Variants in SLBP observed in about 807,000 individuals in gnomAD.
SLBP encodes histone RNA hairpin-binding protein.
In SLBP, 29 loss-of-function variants were observed where a neutral mutation model predicts 39.2. The ratio of observed to expected loss-of-function variants is 0.74; its 90% CI spans 0.55 to 1.01. SLBP has a LOEUF of 1.01. Ranked by LOEUF, SLBP falls within the 50% of genes least tolerant of loss-of-function variation. The probability of loss-of-function intolerance (pLI) is 0.00; values close to 1 mark genes in which losing one functional copy is unlikely to be tolerated. For synonymous variants in SLBP, 129 were observed against 118.7 expected (o/e 1.09, Z -0.57); for missense variants, 390 against 350.2 (o/e 1.11, Z -0.91).
At chr4:1,707,073 G>C (rs1716547206) in intron 2 of SLBP, among the ~76,000 whole-genome samples, 1 of 150,936 alleles carries the variant, frequency 6.6e-6, no homozygotes, top group African/African-American at 2.4e-5. Flanking sequence ...CAAAAAATTA[G>C]CCGGGCGCGG....
intron 3 of SLBP, among the ~76,000 whole-genome samples, chr4:1,702,099 G>A (rs937845126): frequency 1.3e-5 from 2 of 152,186 alleles, no homozygotes; most frequent in African/African-American, 2.4e-5. Flanking sequence ...AAGAGCTGCA[G>A]ATAACCCCTG....
At chr4:1,700,138 G>C (rs1716270017) in intron 3 of SLBP, 68 bp from the exon 4 acceptor site, 3 of 1,108,542 alleles carry the variant, frequency 2.7e-6, no homozygotes, top group Non-Finnish European at 4.0e-6. Context: ...GTCTGAGGAA[G>C]CTCCACCCTG....
chr4:1,705,864 T>C (rs1297310998), intron 2 of SLBP, among the ~76,000 whole-genome samples: 1 of 152,198 alleles, frequency 6.6e-6, no homozygotes, highest in Non-Finnish European at 1.5e-5. Context: ...GGCGTGCCTG[T>C]AGTCCCAGCT....
intron 2 of SLBP, among the ~76,000 whole-genome samples, chr4:1,710,271 C>G (rs565908382): frequency 1.3e-5 from 2 of 152,230 alleles, no homozygotes; most frequent in Non-Finnish European, 2.9e-5. Context: ...ACTCCGTTAC[C>G]TTTCTTGACA....
intron 2 of SLBP, among the ~76,000 whole-genome samples, chr4:1,711,421 G>T (rs943441585): frequency 6.6e-6 from 1 of 151,984 alleles, no homozygotes; most frequent in Non-Finnish European, 1.5e-5. Flanking sequence ...ATTTCCTCCA[G>T]ACCCTCCTCG....
At chr4:1,710,598 G>A (rs536375417) in intron 2 of SLBP, among the ~76,000 whole-genome samples, 19 of 152,324 alleles carry the variant, frequency 1.2e-4, no homozygotes, top group African/African-American at 3.8e-4. Flanking sequence ...GGTTGAAGGA[G>A]AAAGATCTAC....
At position 1,709,225 on chromosome 4, in the gene SLBP, G is replaced by A. The variant is rs998704399; in HGVS notation, c.176+2649C>T. Among the ~76,000 whole-genome samples the A allele has an allele frequency of 8.5e-5, 13 of 152,050 alleles. 1 individual carries two copies. Among genetic ancestry groups the A allele is most frequent in the Admixed American group, 8.5e-4 (13 of 15,244 alleles). On this transcript the variant is annotated intron_variant, in intron 2 of 7. Transcript: ENST00000489418. ...ATTACAGGCATGCGCCACCATGCCC[G>A]ACTAATTTTGTATTTTTAGTAGAGA...
chr4:1,694,176 G>A (rs749708970), intron 7 of SLBP, among the ~76,000 whole-genome samples: 8 of 152,130 alleles, frequency 5.3e-5, no homozygotes, highest in African/African-American at 9.7e-5. Context: ...TCTGCCTCCC[G>A]GGTTCAAGTG....
Position 1,700,077 on chromosome 4 carries a change from G to A in SLBP, c.282-7C>T. The A allele has an allele frequency of 6.3e-7, 1 of 1,578,612 alleles. No individual in the cohort carries two copies. The highest frequency in any genetic ancestry group is 8.7e-7 in the Non-Finnish European group (1 of 1,153,328). On this transcript the variant is annotated splice_region_variant and splice_polypyrimidine_tract_variant and intron_variant, in intron 3 of 7. Transcript: ENST00000489418. ...GAGGAGTTTCCTTTTATATCTGAGG[G>A]CAAAATAAATATTGCTGTTTTTAAA... is the stretch of plus-strand genomic sequence containing the variant.
At chr4:1,696,090 C>T in intron 6 of SLBP, 112 bp downstream of exon 6, 1 of 891,746 alleles carries the variant, frequency 1.1e-6, no homozygotes, top group Non-Finnish European at 1.6e-6. Flanking sequence ...GCTCTGCTCC[C>T]CAACAGCTGC....
At chr4:1,710,067 T>C (rs146471162) in intron 2 of SLBP, among the ~76,000 whole-genome samples, 131 of 152,032 alleles carry the variant, frequency 8.6e-4, no homozygotes, top group African/African-American at 3.1e-3. Context: ...TCCCCAACAA[T>C]GGGGTTTCTC....
In SLBP at chr4:1,699,877, A is replaced by G. The variant is rs145797463; in HGVS notation, c.341+134T>C. On this transcript the variant is annotated intron_variant, in intron 4 of 7. Coordinates refer to ENST00000489418, the MANE Select transcript of SLBP (RefSeq NM_006527.4). ...TGGGAATTTAGTACACAACAGATAC[A>G]GTATTTCAAATTAGTGAAAAAGGTA... 380 of 786,360 alleles carry G rather than the reference A, an allele frequency of 4.8e-4. 6 individuals carry two copies. The East Asian group carries it at 9.4e-3, about 19-fold the overall frequency. The allele number at this position is 786,360 out of a possible 1,614,324, so 48.7% of individuals were successfully genotyped here. A position where few individuals can be genotyped will look rare whatever the true frequency, so the allele number is the denominator to read the frequency against.
chr4:1,707,989 G>A (rs971868805), intron 2 of SLBP, among the ~76,000 whole-genome samples: 3 of 151,114 alleles, frequency 2.0e-5, no homozygotes, highest in African/African-American at 4.9e-5. Flanking sequence ...TGAGGCAGGA[G>A]AATTGCTTGA....
Position 1,696,251 on chromosome 4 carries a change from G to C in SLBP, c.580C>G (p.Leu194Val), listed in dbSNP as rs778720683. The C allele has an allele frequency of 6.2e-7, 1 of 1,602,668 alleles. No individual in the cohort carries two copies. Among genetic ancestry groups the C allele is most frequent in the Non-Finnish European group, 8.5e-7 (1 of 1,175,670 alleles). Residue 194 changes from leucine to valine, a missense_variant, in exon 6 of 8, where the codon CTG (leucine) becomes GTG (valine). Physicochemically the swap from Leu to Val is conservative, Grantham distance 32. Transcript: ENST00000489418. ...DQQIKLWKVA[L>V]HFWDPPAEEG... Reference sequence around the variant, plus strand: ...TCCGCTGGAGGATCCCAAAAATGCAGAGCCACCTTCCAGAGTTTGATTTGC... The same window carrying C: ...TCCGCTGGAGGATCCCAAAAATGCACAGCCACCTTCCAGAGTTTGATTTGC...
At position 1,693,395 on chromosome 4, in the gene SLBP, A is replaced by G; in HGVS notation, c.*202T>C. The G allele has an allele frequency of 2.0e-6, 1 of 507,760 alleles. No individual in the cohort carries two copies. Among genetic ancestry groups the G allele is most frequent in the Non-Finnish European group, 3.5e-6 (1 of 282,332 alleles). 31.5% of individuals were successfully genotyped at this position (507,760 alleles called of 1,614,324 possible). A position where few individuals can be genotyped will look rare whatever the true frequency, so the allele number is the denominator to read the frequency against. On this transcript the variant is annotated 3_prime_UTR_variant, in exon 8 of 8. Transcript: ENST00000489418. ...TACTTTCTTGGACTTAGCTCCATTT[A>G]CAATTTAAAACATGCAAAATATACT...
Position 1,712,182 on chromosome 4 carries a change from A to G in SLBP, c.7T>C (p.Cys3Arg). The change falls in exon 1 of 8, where the codon TGC becomes CGC. Residue 3 changes from cysteine to arginine, a missense_variant. Coordinates refer to ENST00000489418, the MANE Select transcript of SLBP (RefSeq NM_006527.4). The stretch of plus-strand genomic sequence containing the variant: ...TGCCTCGGCGGGCTTCGCGGGCGGC[A>G]GGCCATGGCAGCACGGGCCGGGCGC... MA[C>R]RPRSPPRHQS... is the part of the protein sequence containing the mutation. 4.0e-6 allele frequency: 5 copies of G among 1,237,288 alleles called. No individual in the cohort carries two copies. The highest frequency in any genetic ancestry group is 5.0e-6 in the Non-Finnish European group (5 of 994,574). The allele number at this position is 1,237,288 out of a possible 1,614,324, so 76.6% of individuals were successfully genotyped here.
chr4:1,703,655 G>A lies in SLBP; in HGVS notation c.222C>T (p.Asp74=), dbSNP rs150237030. Residue 74 remains aspartate (D), a synonymous_variant, in exon 3 of 8, where the codon GAC becomes GAT. Coordinates refer to ENST00000489418, the MANE Select transcript of SLBP (RefSeq NM_006527.4). ...CATCTTCTTCAACTGCACTTGCCCA[G>A]TCAGAGCATCTGGAACGGGGTTTAG... ...EGPKPRSRCS[D]WASAVEEDEM... The A allele has an allele frequency of 2.5e-6, 4 of 1,614,040 alleles. No individual in the cohort carries two copies. The East Asian group carries it at 6.7e-5, about 27-fold the overall frequency.
chr4:1,710,329 G>T (rs1336113955), intron 2 of SLBP, among the ~76,000 whole-genome samples: 1 of 152,192 alleles, frequency 6.6e-6, no homozygotes, highest in African/African-American at 2.4e-5. Context: ...AACTTCCCAT[G>T]CCTAGCTGCT....
intron 5 of SLBP, among the ~76,000 whole-genome samples, chr4:1,698,009 C>T (rs1008801051): frequency 6.6e-6 from 1 of 151,634 alleles, no homozygotes; most frequent in Non-Finnish European, 1.5e-5. Context: ...CACCGCTGGT[C>T]CCAGCTACTC....
Sources: allele counts gnomAD v4.1 joint callset (sites outside exome capture counted in the v4.1 genomes callset), GRCh38; gene constraint gnomAD v4.1.1; transcripts MANE v1.5; gene names NCBI Gene and HGNC (gene_info 2026-07-23, HGNC 2026-07-21).